Variants in RCAN2 observed in about 807,000 individuals in gnomAD.
RCAN2 encodes the protein calcipressin-2.
Under a neutral mutation model 23.6 loss-of-function variants are expected in RCAN2, and 9 were observed. The ratio of observed to expected loss-of-function variants is 0.38; its 90% CI spans 0.23 to 0.67. The LOEUF (loss-of-function observed/expected upper bound fraction) is 0.67, where lower values mean the gene tolerates loss of function less well. RCAN2 is among the 30% of genes least tolerant of loss of function. The pLI, the probability that RCAN2 is intolerant of heterozygous loss-of-function variation, is 0.51. For missense variants in RCAN2, 273 were observed against 302.3 expected (o/e 0.90, Z 0.72); for synonymous variants, 109 against 115.7 (o/e 0.94, Z 0.37).
At chr6:46,309,909 T>C (rs929515971) in intron 2 of RCAN2, among the ~76,000 whole-genome samples, 1 of 152,182 alleles carries the variant, frequency 6.6e-6, no homozygotes, top group Non-Finnish European at 1.5e-5. Context: ...GTGGCCAATT[T>C]TGCAACTTCC....
chr6:46,432,359 A>G (rs542121393), intron 2 of RCAN2, among the ~76,000 whole-genome samples: 1 of 152,040 alleles, frequency 6.6e-6, no homozygotes, highest in East Asian at 1.9e-4. Context: ...GATTACAGGC[A>G]TGTGCCACCA....
chr6:46,385,725 C>T (rs1004361815), intron 2 of RCAN2, among the ~76,000 whole-genome samples: 23 of 151,658 alleles, frequency 1.5e-4, no homozygotes, highest in African/African-American at 4.6e-4. Context: ...GGCATGGTGG[C>T]GCATGCCTAT....
intron 2 of RCAN2, among the ~76,000 whole-genome samples, chr6:46,446,295 T>G (rs1582208462): frequency 9.0e-6 from 1 of 110,564 alleles, no homozygotes; most frequent in Non-Finnish European, 1.9e-5. Context: ...AGAGGCAGGG[T>G]GTGTGTGTGG....
intron 2 of RCAN2, among the ~76,000 whole-genome samples, chr6:46,391,309 G>A (rs929534413): frequency 6.6e-6 from 1 of 152,176 alleles, no homozygotes; most frequent in African/African-American, 2.4e-5. Flanking sequence ...TGAAGATTGA[G>A]ATCATGAAAG....
rs189053459 is a variant in RCAN2, at chr6:46,238,880, T to C, written c.571+7868A>G. On this transcript the variant is annotated intron_variant, in intron 4 of 4. Coordinates refer to ENST00000371374, the MANE Select transcript of RCAN2 (RefSeq NM_001251974.2). The stretch of plus-strand genomic sequence containing the variant: ...CACATTTTAATAGAAGGCTAATATA[T>C]GGTTTGAAAATCAAGTGATAATAAA... Among the ~76,000 whole-genome samples, 536 of 152,300 alleles carry C rather than the reference T, an allele frequency of 3.5e-3. 4 individuals carry two copies. The highest frequency in any genetic ancestry group is 3.8e-3 in the Non-Finnish European group (256 of 68,036).
At chr6:46,303,320 G>C (rs761683641) in intron 2 of RCAN2, among the ~76,000 whole-genome samples, 2 of 152,022 alleles carry the variant, frequency 1.3e-5, no homozygotes, top group South Asian at 4.1e-4. Context: ...TCAGCAGTCA[G>C]CCATTTTACA....
At position 46,491,413 on chromosome 6, in the gene RCAN2, CA is replaced by C. The variant is rs1428059804; in HGVS notation, c.-244del. 1 of 152,332 alleles carries C rather than the reference CA, an allele frequency of 6.6e-6. No homozygotes were observed. The highest frequency in any genetic ancestry group is 1.5e-5 in the Non-Finnish European group (1 of 68,248). The allele number at this position is 152,332 out of a possible 1,614,324, so 9.4% of individuals were successfully genotyped here. A position where few individuals can be genotyped will look rare whatever the true frequency, so the allele number is the denominator to read the frequency against. On this transcript the variant is annotated 5_prime_UTR_variant, in exon 1 of 5. Coordinates refer to ENST00000371374, the MANE Select transcript of RCAN2 (RefSeq NM_001251974.2). Reference sequence around the variant, plus strand: ...TCTGCCTGCTGCCCGCTCCTCCCCGCAACCTCCGCCGCCGTCACCCGGGACA... The same window carrying C: ...TCTGCCTGCTGCCCGCTCCTCCCCGCACCTCCGCCGCCGTCACCCGGGACA...
At chr6:46,329,181 A>C (rs982710267) in intron 2 of RCAN2, among the ~76,000 whole-genome samples, 2 of 152,172 alleles carry the variant, frequency 1.3e-5, no homozygotes, top group Non-Finnish European at 2.9e-5. Context: ...CCTCTCTCTG[A>C]AAATATTCAG....
intron 2 of RCAN2, among the ~76,000 whole-genome samples, chr6:46,428,125 A>G (rs1767085463): frequency 6.6e-6 from 1 of 152,224 alleles, no homozygotes; most frequent in Non-Finnish European, 1.5e-5. Flanking sequence ...CTACAGGATG[A>G]ATCTGTTAGG....
intron 2 of RCAN2, among the ~76,000 whole-genome samples, chr6:46,413,073 A>C (rs1766592915): frequency 6.6e-6 from 1 of 152,232 alleles, no homozygotes. Flanking sequence ...GCAATGAATA[A>C]GCTGGGTAGC....
At chr6:46,246,411 T>C (rs569530790) in intron 4 of RCAN2, among the ~76,000 whole-genome samples, 1 of 152,148 alleles carries the variant, frequency 6.6e-6, no homozygotes, top group Non-Finnish European at 1.5e-5. Flanking sequence ...GTAGGGTTCA[T>C]TTTGTCTGTT....
intron 1 of RCAN2, among the ~76,000 whole-genome samples, chr6:46,462,109 C>A (rs1202875642): frequency 5.3e-5 from 8 of 152,060 alleles, no homozygotes; most frequent in Non-Finnish European, 1.2e-4. Flanking sequence ...GAGTTTCAAA[C>A]CTCCAGTGTA....
chr6:46,313,575 C>G (rs1307848050), intron 2 of RCAN2, among the ~76,000 whole-genome samples: 3 of 152,244 alleles, frequency 2.0e-5, no homozygotes, highest in African/African-American at 7.2e-5. Flanking sequence ...CTTTCTGCCT[C>G]CAAAGAACAA....
chr6:46,297,349 T>C (rs9472735), intron 2 of RCAN2, among the ~76,000 whole-genome samples: 3 of 152,082 alleles, frequency 2.0e-5, no homozygotes, highest in Admixed American at 2.0e-4. Context: ...AAAAAGCGAA[T>C]AATCACAGTA....
At chr6:46,424,178 A>G (rs1452822869) in intron 2 of RCAN2, among the ~76,000 whole-genome samples, 1 of 152,236 alleles carries the variant, frequency 6.6e-6, no homozygotes, top group Non-Finnish European at 1.5e-5. Flanking sequence ...ACTTAGTAAG[A>G]GCATGGCACC....
At chr6:46,276,641 A>G (rs889148840) in intron 2 of RCAN2, among the ~76,000 whole-genome samples, 80 of 152,246 alleles carry the variant, frequency 5.3e-4, no homozygotes, top group African/African-American at 1.9e-3. Context: ...TATTTTAAAT[A>G]CAAAAACCTG....
intron 2 of RCAN2, among the ~76,000 whole-genome samples, chr6:46,372,393 G>A (rs901093814): frequency 2.0e-5 from 3 of 152,186 alleles, no homozygotes; most frequent in Admixed American, 6.5e-5. Context: ...GCTTAGAGGT[G>A]GAAGCATGTT....
intron 1 of RCAN2, among the ~76,000 whole-genome samples, chr6:46,477,172 C>T (rs778872408): frequency 4.6e-5 from 7 of 152,056 alleles, no homozygotes; most frequent in Non-Finnish European, 7.4e-5. Flanking sequence ...AGAATCCTCC[C>T]CTTCTCTCTC....
intron 2 of RCAN2, among the ~76,000 whole-genome samples, chr6:46,323,106 C>T (rs941832235): frequency 1.3e-5 from 2 of 152,082 alleles, no homozygotes; most frequent in African/African-American, 4.8e-5. Flanking sequence ...GGAGGGAAAA[C>T]ATTTTCTGTG....
Sources: gnomAD v4.1 joint callset for allele counts (sites outside exome capture counted in the v4.1 genomes callset) on GRCh38, gnomAD v4.1.1 for gene constraint, MANE v1.5 for transcripts, NCBI Gene and HGNC (gene_info 2026-07-23, HGNC 2026-07-21) for gene names.